PSD3: variants seen among roughly 807,000 people sequenced by gnomAD.
The protein encoded by PSD3 is PH and SEC7 domain-containing protein 3.
In PSD3, 49 loss-of-function variants were observed where a neutral mutation model predicts 105.5. That is an observed-to-expected ratio of 0.46 (90% CI 0.37 to 0.59). The LOEUF (loss-of-function observed/expected upper bound fraction) is 0.59, where lower values mean the gene tolerates loss of function less well. Ranked by LOEUF, PSD3 falls within the 20% of genes least tolerant of loss-of-function variation. PSD3 has a pLI of 0.00. For synonymous variants in PSD3, 557 were observed against 457.8 expected (o/e 1.22, Z -2.77); for missense variants, 1,561 against 1,263.8 (o/e 1.24, Z -3.57).
At position 19,008,592 on chromosome 8, in the gene PSD3, T is replaced by A. The variant is rs183011684; in HGVS notation, c.21+4971A>T. ...GAAAATCTACATTCAAAAAAGCATG[T>A]AAGTTTCCATATACAGAGAAAAGCA... On this transcript the variant is annotated intron_variant, in intron 1 of 15. Transcript: ENST00000327040. 1.2e-3 allele frequency among the ~76,000 whole-genome samples: 185 copies of A among 152,312 alleles called. 1 individual carries two copies. Among genetic ancestry groups the A allele is most frequent in the Middle Eastern group, 6.8e-3 (2 of 294 alleles).
At chr8:19,001,053 G>A (rs1365605) in intron 1 of PSD3, 121,577 of 151,230 alleles carry the variant, frequency 0.8, 50,038 homozygotes, top group East Asian at 0.95. Flanking sequence ...CACCTGCCAC[G>A]CGCAAACACA....
At chr8:18,720,129 T>C (rs1312813565) in intron 9 of PSD3, among the ~76,000 whole-genome samples, 4 of 152,114 alleles carry the variant, frequency 2.6e-5, no homozygotes, top group Non-Finnish European at 4.4e-5. Flanking sequence ...CTCATATATG[T>C]AGAGAAAATC....
In PSD3 at chr8:18,900,994, C is replaced by A. The variant is rs148380202; in HGVS notation, c.131-28261G>T. 3.4e-3 allele frequency among the ~76,000 whole-genome samples: 518 copies of A among 152,156 alleles called. 6 individuals carry two copies. Among genetic ancestry groups the A allele is most frequent in the African/African-American group, 0.012 (484 of 41,510 alleles). On this transcript the variant is annotated intron_variant, in intron 2 of 15. Transcript: ENST00000327040. ...ATGCAGTTATGATTTAATACTGCAT[C>A]TTTATGTTTCTTTACATTTCTCGGG...
chr8:18,624,217 T>C (rs73666685), intron 11 of PSD3, among the ~76,000 whole-genome samples: 2,570 of 152,250 alleles, frequency 0.017, 35 homozygotes, highest in African/African-American at 0.037. Flanking sequence ...ATACCACTAA[T>C]ACTTTTGCAG....
rs540569766 is a variant in PSD3, at chr8:18,804,463, C to A, written c.1910+59G>T. 9.3e-4 allele frequency: 1,303 copies of A among 1,401,576 alleles called. 12 individuals are homozygous for A. The South Asian group carries it at 0.011, about 12-fold the overall frequency. The allele number at this position is 1,401,576 out of a possible 1,614,324, so 86.8% of individuals were successfully genotyped here. ...GATTCTAGCTAGAAGACATTACTTTCTTCTCTAAGAACTAATCATTTGAAA... is the reference window on the plus strand; with the variant it reads ...GATTCTAGCTAGAAGACATTACTTTATTCTCTAAGAACTAATCATTTGAAA... On this transcript the variant is annotated intron_variant, in intron 6 of 15. Coordinates refer to ENST00000327040, the MANE Select transcript of PSD3 (RefSeq NM_015310.4).
chr8:18,916,297 G>GATATAT (rs71218908), intron 2 of PSD3, among the ~76,000 whole-genome samples: 14 of 31,262 alleles, frequency 4.5e-4, no homozygotes, highest in Non-Finnish European at 4.9e-4. Context: ...TAAAAAAAGT[G>GATATAT]ATATATATAT....
At chr8:18,567,068 A>G (rs1801821681) in intron 14 of PSD3, among the ~76,000 whole-genome samples, 2 of 152,214 alleles carry the variant, frequency 1.3e-5, no homozygotes. Flanking sequence ...GTGAGGGAAA[A>G]TCAAGGAAAC....
At chr8:19,006,364 T>C (rs1424919569) in intron 1 of PSD3, among the ~76,000 whole-genome samples, 1 of 151,650 alleles carries the variant, frequency 6.6e-6, no homozygotes, top group Non-Finnish European at 1.5e-5. Flanking sequence ...ACACATACTA[T>C]GTTTCACATA....
chr8:18,871,900 A>C lies in PSD3; in HGVS notation c.964T>G (p.Phe322Val). ...GCTGTTCTTTGCAGTGATGTCTCAAAATCTATAGGATGCTGGGTCTCTCTC... is the reference window on the plus strand; with the variant it reads ...GCTGTTCTTTGCAGTGATGTCTCAACATCTATAGGATGCTGGGTCTCTCTC... ...DKRETQHPIDFETSLQRTASP... is the reference protein window; with the variant it reads ...DKRETQHPIDVETSLQRTASP... Residue 322 changes from phenylalanine to valine, a missense_variant, in exon 3 of 16, where the codon TTT becomes GTT. Physicochemically the swap from Phe to Val is conservative, Grantham distance 50 (BLOSUM62 -1). Transcript: ENST00000327040. 6.2e-7 allele frequency: 1 copy of C among 1,614,174 alleles called. No homozygotes were observed. The highest frequency in any genetic ancestry group is 8.5e-7 in the Non-Finnish European group (1 of 1,180,022).
intron 11 of PSD3, among the ~76,000 whole-genome samples, chr8:18,607,152 C>T (rs1019831078): frequency 4.6e-5 from 7 of 152,102 alleles, no homozygotes; most frequent in African/African-American, 1.7e-4. Context: ...GAAATATAAC[C>T]AGGTACTTTC....
At chr8:18,772,951 A>T (rs573809642) in intron 8 of PSD3, among the ~76,000 whole-genome samples, 1 of 152,282 alleles carries the variant, frequency 6.6e-6, no homozygotes, top group Non-Finnish European at 1.5e-5. Flanking sequence ...TAGGTATATG[A>T]TTTGTAAATA....
chr8:18,801,193 C>T, intron 7 of PSD3, 77 bp downstream of exon 7: 1 of 870,796 alleles, frequency 1.1e-6, no homozygotes, highest in South Asian at 1.8e-5. Flanking sequence ...TAATTTCTCA[C>T]AATAAAATTT....
chr8:18,812,593 G>C (rs759924465), intron 4 of PSD3, among the ~76,000 whole-genome samples: 6 of 152,102 alleles, frequency 3.9e-5, no homozygotes, highest in Non-Finnish European at 8.8e-5. Flanking sequence ...TGAGAGAATA[G>C]TAGTTAAGTT....
chr8:18,884,012 A>G (rs1357237903), intron 2 of PSD3, among the ~76,000 whole-genome samples: 1 of 152,206 alleles, frequency 6.6e-6, no homozygotes, highest in Admixed American at 6.5e-5. Flanking sequence ...CTATTTTAAC[A>G]CTTGAAAATT....
intron 10 of PSD3, among the ~76,000 whole-genome samples, chr8:18,651,193 T>A (rs1808448519): frequency 6.6e-6 from 1 of 152,196 alleles, no homozygotes; most frequent in African/African-American, 2.4e-5. Flanking sequence ...CAATTTTCAG[T>A]CACACTCCCA....
intron 1 of PSD3, among the ~76,000 whole-genome samples, chr8:19,002,723 G>C (rs974537692): frequency 2.0e-5 from 3 of 151,998 alleles, no homozygotes; most frequent in African/African-American, 7.2e-5. Context: ...AATAAATAAT[G>C]ACAAGAAACA....
chr8:19,074,603 ATATATATATTTTT>A (rs1376945651), intron 1 of PSD3, among the ~76,000 whole-genome samples: 2,801 of 58,822 alleles, frequency 0.048, 168 homozygotes, highest in Non-Finnish European at 0.053. Context: ...ATATATATAT[ATATATATATTTTT>A]TTTTTTTTTT....
At chr8:18,845,731 G>A (rs980712042) in intron 4 of PSD3, among the ~76,000 whole-genome samples, 5 of 152,128 alleles carry the variant, frequency 3.3e-5, no homozygotes, top group Non-Finnish European at 7.3e-5. Flanking sequence ...GAGGCCGGTC[G>A]TTGGAGACCA....
chr8:18,727,551 A>AACACAT lies in PSD3; in HGVS notation c.2172+37897_2172+37898insATGTGT, dbSNP rs1554482120. The stretch of plus-strand genomic sequence containing the variant: ...AATAGCTAAATTAAAAAAAAATCCA[A>AACACAT]ACACACACACACACACACACACACA... On this transcript the variant is annotated intron_variant, in intron 9 of 15. Coordinates refer to ENST00000327040, the MANE Select transcript of PSD3 (RefSeq NM_015310.4). Among the ~76,000 whole-genome samples the AACACAT allele has an allele frequency of 1.2e-3, 172 of 137,708 alleles. 1 individual carries two copies. The highest frequency in any genetic ancestry group is 4.4e-3 in the African/African-American group (162 of 36,694). 90.3% of individuals were successfully genotyped at this position (137,708 alleles called of 152,430 possible). A position where few individuals can be genotyped will look rare whatever the true frequency, so the allele number is the denominator to read the frequency against.
Sources: gnomAD v4.1 joint callset for allele counts (sites outside exome capture counted in the v4.1 genomes callset) on GRCh38, gnomAD v4.1.1 for gene constraint, MANE v1.5 for transcripts, NCBI Gene and HGNC (gene_info 2026-07-23, HGNC 2026-07-21) for gene names.